The following CDH4 variants were observed in gnomAD, a reference collection of about 807,000 sequenced individuals.
CDH4 encodes the protein cadherin-4.
Under a neutral mutation model 86.0 loss-of-function variants are expected in CDH4, and 33 were observed. The observed-to-expected ratio is 0.38, with a 90% CI of 0.29 to 0.51. The LOEUF (loss-of-function observed/expected upper bound fraction) is 0.51. Ranked by LOEUF, CDH4 falls within the 20% of genes least tolerant of loss-of-function variation. The pLI, the probability that CDH4 is intolerant of heterozygous loss-of-function variation, is 0.86. For missense variants in CDH4, 1,114 were observed against 1,307.4 expected, an observed-to-expected ratio of 0.85 and a Z score of 2.28; for synonymous variants, 555 against 549.4, an observed-to-expected ratio of 1.01 and a Z score of -0.14.
chr20:61,792,062 G>A (rs966199339), intron 4 of CDH4, among the ~76,000 whole-genome samples: 2 of 152,132 alleles, frequency 1.3e-5, no homozygotes, highest in Admixed American at 6.5e-5. Flanking sequence ...AGGTTAAGGC[G>A]AGAGCTGCCC....
At chr20:61,604,684 A>G (rs1338611701) in intron 2 of CDH4, among the ~76,000 whole-genome samples, 2 of 152,160 alleles carry the variant, frequency 1.3e-5, no homozygotes, top group African/African-American at 2.4e-5. Flanking sequence ...GCACACGTGC[A>G]CATGCATCCC....
intron 2 of CDH4, among the ~76,000 whole-genome samples, chr20:61,742,872 C>A (rs923521393): frequency 1.1e-4 from 16 of 152,194 alleles, no homozygotes; most frequent in African/African-American, 3.9e-4. Context: ...CAGCACCCAG[C>A]GGTATCAATA....
chr20:61,311,400 T>C (rs2084444833), intron 2 of CDH4, among the ~76,000 whole-genome samples: 1 of 152,200 alleles, frequency 6.6e-6, no homozygotes, highest in South Asian at 2.1e-4. Flanking sequence ...TTTCTACAAA[T>C]AATGAGGAAG....
intron 2 of CDH4, among the ~76,000 whole-genome samples, chr20:61,662,550 A>T (rs6061707): frequency 1.8e-4 from 28 of 152,044 alleles, no homozygotes; most frequent in African/African-American, 6.5e-4. Context: ...GCACAGGACG[A>T]GCACACAGAG....
chr20:61,857,955 GTGTGTGTCTC>G (rs1440812291), intron 6 of CDH4, among the ~76,000 whole-genome samples: 8 of 119,120 alleles, frequency 6.7e-5, no homozygotes, highest in Admixed American at 4.6e-4. Context: ...CTCTGTGTCT[GTGTGTGTCTC>G]TGTGTGTCTC....
At chr20:61,720,959 G>C (rs1046815367) in intron 2 of CDH4, among the ~76,000 whole-genome samples, 3 of 152,112 alleles carry the variant, frequency 2.0e-5, no homozygotes, top group African/African-American at 7.2e-5. Context: ...GGTGGTTTCT[G>C]GGCATTGTGC....
intron 2 of CDH4, among the ~76,000 whole-genome samples, chr20:61,632,906 A>G (rs1300370734): frequency 7.5e-6 from 1 of 133,886 alleles, no homozygotes; most frequent in African/African-American, 2.8e-5. Flanking sequence ...CCATCCATCA[A>G]CTTACCTATT....
At chr20:61,735,667 G>A (rs958905280) in intron 2 of CDH4, among the ~76,000 whole-genome samples, 1 of 152,216 alleles carries the variant, frequency 6.6e-6, no homozygotes, top group Non-Finnish European at 1.5e-5. Context: ...TGATGATGGT[G>A]CCCAGGGTTG....
intron 2 of CDH4, among the ~76,000 whole-genome samples, chr20:61,690,190 G>A (rs1372763198): frequency 6.6e-6 from 1 of 152,112 alleles, no homozygotes; most frequent in African/African-American, 2.4e-5. Flanking sequence ...GTGAGGTGAT[G>A]TGGAATTGGG....
In CDH4 at chr20:61,692,523, C is replaced by T. The variant is rs982439035; in HGVS notation, c.170-51040C>T. ...AGAAAGGATGAGAAAAAGTCCTGGC[C>T]TCTTAAATCACGTGAATTTGCTTTT... On this transcript the variant is annotated intron_variant, in intron 2 of 15. Transcript: ENST00000614565. Among the ~76,000 whole-genome samples, 3 of 152,318 alleles carry T rather than the reference C, an allele frequency of 2.0e-5. No homozygotes were observed. The East Asian group carries it at 5.8e-4, about 29-fold the overall frequency.
At chr20:61,274,715 G>T (rs1437031643) in intron 2 of CDH4, among the ~76,000 whole-genome samples, 6 of 138,198 alleles carry the variant, frequency 4.3e-5, no homozygotes, top group South Asian at 2.4e-4. Context: ...GTTTGGGGGA[G>T]TACTGTGTGC....
intron 2 of CDH4, among the ~76,000 whole-genome samples, chr20:61,526,367 C>A (rs969243697): frequency 6.6e-6 from 1 of 152,108 alleles, no homozygotes; most frequent in Non-Finnish European, 1.5e-5. Context: ...CTGACATCCT[C>A]GGTGGAGGCA....
At chr20:61,912,067 C>G (rs2054856993) in intron 9 of CDH4, among the ~76,000 whole-genome samples, 1 of 152,138 alleles carries the variant, frequency 6.6e-6, no homozygotes, top group Non-Finnish European at 1.5e-5. Flanking sequence ...TCTAGGGCCC[C>G]TCGTGGTCCA....
intron 8 of CDH4, among the ~76,000 whole-genome samples, chr20:61,904,525 C>A (rs2054767379): frequency 6.6e-6 from 1 of 152,208 alleles, no homozygotes; most frequent in African/African-American, 2.4e-5. Context: ...GGTCTCTCGG[C>A]ATCTCGGCAG....
At chr20:61,601,881 T>C (rs1292265578) in intron 2 of CDH4, among the ~76,000 whole-genome samples, 3 of 152,162 alleles carry the variant, frequency 2.0e-5, no homozygotes, top group Non-Finnish European at 4.4e-5. Context: ...TCGCGTTCAG[T>C]TGGAAACAGC....
intron 2 of CDH4, among the ~76,000 whole-genome samples, chr20:61,471,659 C>T (rs1291547220): frequency 6.6e-6 from 1 of 151,560 alleles, no homozygotes; most frequent in Non-Finnish European, 1.5e-5. Context: ...TATAAACTTC[C>T]CTCTTAGTAC....
intron 2 of CDH4, among the ~76,000 whole-genome samples, chr20:61,317,756 C>T (rs1164284502): frequency 2.0e-5 from 3 of 152,176 alleles, no homozygotes; most frequent in Non-Finnish European, 4.4e-5. Flanking sequence ...TGCCCGAGAC[C>T]CCCACGGTTC....
At chr20:61,842,101 G>A (rs564654504) in intron 4 of CDH4, among the ~76,000 whole-genome samples, 1 of 152,338 alleles carries the variant, frequency 6.6e-6, no homozygotes, top group African/African-American at 2.4e-5. Flanking sequence ...GAATTAAGCT[G>A]GAAGGGATAC....
intron 2 of CDH4, among the ~76,000 whole-genome samples, chr20:61,349,926 A>G (rs1341238070): frequency 6.6e-6 from 1 of 152,150 alleles, no homozygotes; most frequent in Admixed American, 6.5e-5. Flanking sequence ...TGGTGGCCTC[A>G]GTGCCAGACT....
Sources: gnomAD v4.1 joint callset for allele counts (sites outside exome capture counted in the v4.1 genomes callset) on GRCh38, gnomAD v4.1.1 for gene constraint, MANE v1.5 for transcripts, NCBI Gene and HGNC (gene_info 2026-07-23, HGNC 2026-07-21) for gene names.